GAS2: variants seen among roughly 807,000 people sequenced by gnomAD.
GAS2 encodes the protein growth arrest specific 2, also known as growth arrest-specific protein 2.
In GAS2, 20 loss-of-function variants were observed where a neutral mutation model predicts 37.5. The observed-to-expected ratio is 0.53, with a 90% CI of 0.37 to 0.77. GAS2 has a LOEUF of 0.77. Ranked by LOEUF, GAS2 falls within the 30% of genes least tolerant of loss-of-function variation. GAS2 has a pLI of 0.00. For synonymous variants in GAS2, 144 were observed against 132.2 expected (o/e 1.09, Z -0.61); for missense variants, 336 against 373.4 (o/e 0.90, Z 0.82).
At chr11:22,643,668 T>C (rs1323300022) in intron 1 of GAS2, among the ~76,000 whole-genome samples, 3 of 152,090 alleles carry the variant, frequency 2.0e-5, no homozygotes, top group Non-Finnish European at 4.4e-5. Flanking sequence ...TTCTTTACAA[T>C]TGATGATTTT....
At chr11:22,805,721 A>G (rs1362819626) in intron 7 of GAS2, among the ~76,000 whole-genome samples, 1 of 152,186 alleles carries the variant, frequency 6.6e-6, no homozygotes, top group Non-Finnish European at 1.5e-5. Flanking sequence ...GTAAAGAAAT[A>G]AAAGAATGGC....
At chr11:22,776,586 T>C (rs1855271868) in intron 7 of GAS2, among the ~76,000 whole-genome samples, 1 of 152,192 alleles carries the variant, frequency 6.6e-6, no homozygotes. Context: ...CATCTATTTA[T>C]CATCTATTTA....
intron 3 of GAS2, among the ~76,000 whole-genome samples, chr11:22,700,234 G>T (rs1565095951): frequency 6.6e-6 from 1 of 152,142 alleles, no homozygotes; most frequent in Non-Finnish European, 1.5e-5. Flanking sequence ...AGTAGACATG[G>T]TGTTGGATGA....
intron 6 of GAS2, among the ~76,000 whole-genome samples, chr11:22,753,850 CT>C (rs1174916480): frequency 2.0e-5 from 3 of 152,062 alleles, no homozygotes; most frequent in African/African-American, 7.2e-5. Context: ...TAGAAAAATA[CT>C]GAAAACAGGA....
chr11:22,662,669 A>G (rs979735745), upstream of GAS2, among the ~76,000 whole-genome samples: 1 of 151,932 alleles, frequency 6.6e-6, no homozygotes, highest in Non-Finnish European at 1.5e-5. Context: ...TAAAAAAAAA[A>G]CACCTTCAAC....
At chr11:22,667,963 T>C (rs1001439522) in intron 1 of GAS2, 15 of 152,228 alleles carry the variant, frequency 9.9e-5, no homozygotes, top group Non-Finnish European at 2.1e-4. Flanking sequence ...ATCAGTTGTG[T>C]ATGAGAGATC....
At chr11:22,737,041 G>A (rs886607620) in intron 4 of GAS2, among the ~76,000 whole-genome samples, 6 of 152,046 alleles carry the variant, frequency 3.9e-5, no homozygotes, top group Non-Finnish European at 5.9e-5. Context: ...TCAAAGTATA[G>A]CCTTCTAATT....
intron 7 of GAS2, among the ~76,000 whole-genome samples, chr11:22,804,736 G>C (rs1856811024): frequency 1.3e-5 from 2 of 151,268 alleles, no homozygotes; most frequent in Admixed American, 6.6e-5. Flanking sequence ...GGCCAGTAGA[G>C]GTGTCAAGAG....
chr11:22,715,475 A>AAAG (rs1554973668), intron 3 of GAS2, among the ~76,000 whole-genome samples: 2 of 149,254 alleles, frequency 1.3e-5, no homozygotes, highest in Non-Finnish European at 3.0e-5. Flanking sequence ...AAAAAAAAAA[A>AAAG]AAAAAAAAGA....
At chr11:22,718,321 T>C (rs1565107067) in intron 3 of GAS2, among the ~76,000 whole-genome samples, 1 of 152,068 alleles carries the variant, frequency 6.6e-6, no homozygotes, top group Non-Finnish European at 1.5e-5. Flanking sequence ...TATCATGGAA[T>C]ACTACTCAGT....
chr11:22,766,108 C>T (rs1259618425), intron 7 of GAS2, among the ~76,000 whole-genome samples: 1 of 151,864 alleles, frequency 6.6e-6, no homozygotes, highest in East Asian at 1.9e-4. Context: ...CCACCATGCC[C>T]CACCTTCAAC....
chr11:22,706,486 C>T (rs1013952403), intron 3 of GAS2, among the ~76,000 whole-genome samples: 8 of 151,824 alleles, frequency 5.3e-5, no homozygotes, highest in East Asian at 1.9e-4. Flanking sequence ...CCTCCCCGCT[C>T]CCCCCACCCC....
At chr11:22,778,017 A>G (rs1855351497) in intron 7 of GAS2, among the ~76,000 whole-genome samples, 1 of 152,188 alleles carries the variant, frequency 6.6e-6, no homozygotes, top group Non-Finnish European at 1.5e-5. Flanking sequence ...TTGGGGGTAG[A>G]CTTAATTGGC....
chr11:22,670,242 G>C (rs1005396793), intron 1 of GAS2, among the ~76,000 whole-genome samples: 50 of 152,260 alleles, frequency 3.3e-4, no homozygotes, highest in Middle Eastern at 6.8e-3. Context: ...CCTTTAGGGA[G>C]GAGACCTTTG....
chr11:22,788,930 C>T (rs908429548), intron 7 of GAS2, among the ~76,000 whole-genome samples: 1 of 151,884 alleles, frequency 6.6e-6, no homozygotes, highest in African/African-American at 2.4e-5. Flanking sequence ...GTCCATATCA[C>T]AGTGTCTACC....
intron 3 of GAS2, among the ~76,000 whole-genome samples, chr11:22,693,339 C>T (rs1850345492): frequency 6.6e-6 from 1 of 152,160 alleles, no homozygotes; most frequent in Non-Finnish European, 1.5e-5. Flanking sequence ...GATAACACTT[C>T]ATTGAAAAGA....
chr11:22,812,786 T>G lies in GAS2; in HGVS notation c.*770T>G, dbSNP rs1029436534. The G allele has an allele frequency of 6.6e-6, 1 of 152,622 alleles. No individual in the cohort carries two copies. Among genetic ancestry groups the G allele is most frequent in the Non-Finnish European group, 1.5e-5 (1 of 68,020 alleles). 9.5% of individuals were successfully genotyped at this position (152,622 alleles called of 1,614,324 possible). A position where few individuals can be genotyped will look rare whatever the true frequency, so the allele number is the denominator to read the frequency against. On this transcript the variant is annotated 3_prime_UTR_variant, in exon 8 of 8. Coordinates refer to ENST00000454584, the MANE Select transcript of GAS2 (RefSeq NM_001143830.3). Reference sequence around the variant, plus strand: ...AATTGTACAGTCAAATGTTCATTGATTTCATGTTATTTCAAAGCATTTTCT... The same window carrying G: ...AATTGTACAGTCAAATGTTCATTGAGTTCATGTTATTTCAAAGCATTTTCT...
chr11:22,665,088 C>T (rs1238954378), upstream of GAS2, among the ~76,000 whole-genome samples: 1 of 152,032 alleles, frequency 6.6e-6, no homozygotes. Flanking sequence ...CTGTAAGCCT[C>T]CTTTTTTTCC....
chr11:22,773,628 G>C (rs1855104776), intron 7 of GAS2, among the ~76,000 whole-genome samples: 1 of 151,886 alleles, frequency 6.6e-6, no homozygotes, highest in Admixed American at 6.6e-5. Context: ...CTCCTCTTTA[G>C]AACACCGTCA....
Sources: gnomAD v4.1 joint callset for allele counts (sites outside exome capture counted in the v4.1 genomes callset) on GRCh38, gnomAD v4.1.1 for gene constraint, MANE v1.5 for transcripts, NCBI Gene and HGNC (gene_info 2026-07-23, HGNC 2026-07-21) for gene names.